MACROD2: variants seen among roughly 807,000 people sequenced by gnomAD.
The protein encoded by MACROD2 is mono-ADP ribosylhydrolase 2.
MACROD2 carries 36 observed loss-of-function variants against 70.4 expected under a neutral mutation model. The observed-to-expected ratio is 0.51, with a 90% confidence interval of 0.39 to 0.68. The LOEUF is 0.68. MACROD2 is among the 30% of genes least tolerant of loss of function. The probability of loss-of-function intolerance (pLI) is 0.00; values close to 1 mark genes in which losing one functional copy is unlikely to be tolerated. For synonymous variants in MACROD2, 172 were observed against 178.8 expected, an observed-to-expected ratio of 0.96 and a Z score of 0.30; for missense variants, 496 against 538.4, an observed-to-expected ratio of 0.92 and a Z score of 0.78.
intron 5 of MACROD2, among the ~76,000 whole-genome samples, chr20:15,222,255 A>G (rs175274): frequency 0.28 from 42,913 of 152,116 alleles, 6,214 homozygotes; most frequent in Admixed American, 0.31. Context: ...TACATTTTCA[A>G]TGATATCTTC....
intron 5 of MACROD2, among the ~76,000 whole-genome samples, chr20:15,022,229 T>C (rs1600962361): frequency 6.6e-6 from 1 of 152,190 alleles, no homozygotes; most frequent in Non-Finnish European, 1.5e-5. Flanking sequence ...TGTATCCCTA[T>C]GTTACACAAA....
At chr20:16,010,548 C>A (rs1440155704) in intron 15 of MACROD2, among the ~76,000 whole-genome samples, 2 of 152,172 alleles carry the variant, frequency 1.3e-5, no homozygotes, top group Non-Finnish European at 2.9e-5. Context: ...TATGATACCA[C>A]AACCTTATTA....
chr20:14,463,552 A>G (rs73612359), intron 3 of MACROD2, among the ~76,000 whole-genome samples: 43 of 152,046 alleles, frequency 2.8e-4, no homozygotes, highest in Non-Finnish European at 4.3e-4. Context: ...GATTGCCCTG[A>G]CCAGAACTTC....
chr20:14,825,378 C>T (rs1038986490), intron 5 of MACROD2, among the ~76,000 whole-genome samples: 7 of 152,030 alleles, frequency 4.6e-5, no homozygotes, highest in African/African-American at 1.7e-4. Flanking sequence ...TGTCCAAAGT[C>T]TTTTCTAGAA....
At chr20:15,824,401 A>G (rs1455410976) in intron 8 of MACROD2, among the ~76,000 whole-genome samples, 4 of 152,192 alleles carry the variant, frequency 2.6e-5, no homozygotes, top group Non-Finnish European at 5.9e-5. Flanking sequence ...GGAAAAGTCT[A>G]TAGGCTCTTG....
chr20:16,024,769 G>T, intron 15 of MACROD2, among the ~76,000 whole-genome samples: 1 of 152,236 alleles, frequency 6.6e-6, no homozygotes, highest in East Asian at 1.9e-4. Context: ...CAGGGCAAAG[G>T]GGGAGGGGGT....
chr20:15,295,487 A>C (rs1364105494), intron 6 of MACROD2, among the ~76,000 whole-genome samples: 1 of 152,048 alleles, frequency 6.6e-6, no homozygotes, highest in Non-Finnish European at 1.5e-5. Context: ...GTAACCAAAG[A>C]CTAGATGGAG....
intron 5 of MACROD2, among the ~76,000 whole-genome samples, chr20:15,101,335 G>A (rs1284906434): frequency 6.6e-6 from 1 of 151,822 alleles, no homozygotes; most frequent in Admixed American, 6.6e-5. Flanking sequence ...AGTCTAGACT[G>A]TGATCTTACA....
chr20:15,180,399 C>T (rs374976076), intron 5 of MACROD2, among the ~76,000 whole-genome samples: 3 of 152,234 alleles, frequency 2.0e-5, no homozygotes, highest in African/African-American at 7.2e-5. Context: ...TGCACCCAGA[C>T]AAATTGTGGT....
chr20:14,284,870 G>C lies in MACROD2; in HGVS notation c.271+199142G>C, dbSNP rs138890000. Among the ~76,000 whole-genome samples the C allele has an allele frequency of 3.2e-4, 49 of 152,202 alleles. 1 individual carries two copies. The East Asian group carries it at 8.5e-3, about 26-fold the overall frequency. On this transcript the variant is annotated intron_variant, in intron 3 of 17. Coordinates refer to ENST00000684519, the MANE Select transcript of MACROD2 (RefSeq NM_001351661.2). ...GGAAAGTTTTAAGTTTTCTTGTATA[G>C]AAATAACTTGGTAATGTTACATTAT...
At chr20:15,464,124 C>T (rs189439953) in intron 7 of MACROD2, among the ~76,000 whole-genome samples, 3 of 152,348 alleles carry the variant, frequency 2.0e-5, no homozygotes, top group East Asian at 3.9e-4. Flanking sequence ...TCACGACTCA[C>T]TGCAACCTTG....
chr20:15,168,146 A>G (rs1345090539), intron 5 of MACROD2, among the ~76,000 whole-genome samples: 1 of 152,182 alleles, frequency 6.6e-6, no homozygotes, highest in Non-Finnish European at 1.5e-5. Context: ...CTCCTTGCTC[A>G]AAGCCTGGAG....
chr20:14,302,989 T>A lies in MACROD2; in HGVS notation c.272-190490T>A, dbSNP rs535639504. Among the ~76,000 whole-genome samples the A allele has an allele frequency of 7.9e-5, 12 of 152,186 alleles. No individual in the cohort carries two copies. In the South Asian group the frequency reaches 8.3e-4, roughly 11 times the overall value. On this transcript the variant is annotated intron_variant, in intron 3 of 17. Coordinates refer to ENST00000684519, the MANE Select transcript of MACROD2 (RefSeq NM_001351661.2). The stretch of plus-strand genomic sequence containing the variant: ...TAAAGTGGTGAAAGTATAAAATTAT[T>A]TTGCATTCACTGAAAGATTGTTAAA...
At chr20:15,627,062 T>C (rs1364790608) in intron 8 of MACROD2, among the ~76,000 whole-genome samples, 7 of 152,110 alleles carry the variant, frequency 4.6e-5, no homozygotes, top group African/African-American at 1.7e-4. Flanking sequence ...TTTGAAATGC[T>C]CTTTGGGGTA....
At chr20:15,808,058 C>G (rs2063785295) in intron 8 of MACROD2, among the ~76,000 whole-genome samples, 1 of 151,972 alleles carries the variant, frequency 6.6e-6, no homozygotes, top group Admixed American at 6.5e-5. Flanking sequence ...CAGTCACGTA[C>G]CCCCTCCTTG....
intron 5 of MACROD2, among the ~76,000 whole-genome samples, chr20:15,207,436 GTTTTTTT>G (rs548522491): frequency 3.5e-5 from 3 of 84,566 alleles, no homozygotes; most frequent in Middle Eastern, 9.6e-3. Flanking sequence ...TTTGTTTCTG[GTTTTTTT>G]TTTTTTTTTT....
chr20:14,863,736 C>G (rs938093634), intron 5 of MACROD2, among the ~76,000 whole-genome samples: 1 of 152,036 alleles, frequency 6.6e-6, no homozygotes, highest in Non-Finnish European at 1.5e-5. Context: ...ATCCTCACAT[C>G]AATACTATTA....
chr20:14,646,304 T>C (rs1218427032), intron 4 of MACROD2, among the ~76,000 whole-genome samples: 2 of 152,038 alleles, frequency 1.3e-5, no homozygotes, highest in East Asian at 1.9e-4. Context: ...TTACAACTCA[T>C]AAAAGCACTT....
intron 2 of MACROD2, among the ~76,000 whole-genome samples, chr20:14,072,604 T>G: frequency 6.6e-6 from 1 of 152,244 alleles, no homozygotes; most frequent in East Asian, 1.9e-4. Flanking sequence ...ATGTTTGTTA[T>G]GAGAATTATA....
Sources: gnomAD v4.1 joint callset for allele counts (sites outside exome capture counted in the v4.1 genomes callset) on GRCh38, gnomAD v4.1.1 for gene constraint, MANE v1.5 for transcripts, NCBI Gene and HGNC (gene_info 2026-07-23, HGNC 2026-07-21) for gene names.